RBM6: variants seen among roughly 807,000 people sequenced by gnomAD.
The protein encoded by RBM6 is RNA-binding protein 6.
Under a neutral mutation model 140.4 loss-of-function variants are expected in RBM6, and 23 were observed. The ratio of observed to expected loss-of-function variants is 0.16; its 90% CI spans 0.12 to 0.23. The LOEUF is 0.23. Ranked by LOEUF, RBM6 falls within the 10% of genes least tolerant of loss-of-function variation. The pLI is 1.00. For missense variants in RBM6, 1,139 were observed against 1,386.7 expected, an observed-to-expected ratio of 0.82 and a Z score of 2.84; for synonymous variants, 439 against 475.6, an observed-to-expected ratio of 0.92 and a Z score of 1.00.
intron 6 of RBM6, among the ~76,000 whole-genome samples, chr3:50,037,734 G>GT (rs2088627763): frequency 6.6e-6 from 1 of 151,828 alleles, no homozygotes; most frequent in Admixed American, 6.6e-5. Flanking sequence ...GAGCTCCTGG[G>GT]TTCAAGCAGT....
intron 6 of RBM6, among the ~76,000 whole-genome samples, chr3:50,030,589 A>C (rs1027450881): frequency 2.6e-5 from 4 of 152,174 alleles, no homozygotes; most frequent in African/African-American, 4.8e-5. Flanking sequence ...TGTATTGGTT[A>C]GGATTAGATT....
In RBM6 at chr3:50,069,358, T is replaced by C. The variant is rs1458303807; in HGVS notation, c.3018+594T>C. 2.0e-5 allele frequency among the ~76,000 whole-genome samples: 3 copies of C among 151,606 alleles called. No homozygotes were observed. The East Asian group carries it at 5.8e-4, about 29-fold the overall frequency. Reference sequence around the variant, plus strand: ...CGAAATCCTATCTCTACAAAAAATATAAAAATTAGGTGGACATGGGGTGTG... The same window carrying C: ...CGAAATCCTATCTCTACAAAAAATACAAAAATTAGGTGGACATGGGGTGTG... On this transcript the variant is annotated intron_variant, in intron 18 of 20. Coordinates refer to ENST00000266022, the MANE Select transcript of RBM6 (RefSeq NM_005777.3).
At chr3:50,076,035 C>G (rs1229782802) in intron 20 of RBM6, among the ~76,000 whole-genome samples, 3 of 151,270 alleles carry the variant, frequency 2.0e-5, no homozygotes, top group African/African-American at 7.3e-5. Context: ...GTGGTGCGAT[C>G]TCAGCTCACT....
intron 20 of RBM6, among the ~76,000 whole-genome samples, chr3:50,075,569 CAT>C (rs1288191415): frequency 6.6e-6 from 1 of 152,152 alleles, no homozygotes; most frequent in Non-Finnish European, 1.5e-5. Flanking sequence ...CATACTTTTA[CAT>C]GGAGTAAATA....
chr3:49,963,683 T>G (rs879518623), intron 2 of RBM6, among the ~76,000 whole-genome samples: 47 of 152,152 alleles, frequency 3.1e-4, no homozygotes, highest in Non-Finnish European at 3.8e-4. Context: ...GTATTTTAAA[T>G]TTGTAGGGAA....
intron 6 of RBM6, among the ~76,000 whole-genome samples, chr3:50,013,027 G>A (rs890781387): frequency 8.5e-5 from 13 of 152,114 alleles, no homozygotes; most frequent in African/African-American, 3.1e-4. Flanking sequence ...ACAGGCGTGA[G>A]CCACCGTGCC....
intron 5 of RBM6, among the ~76,000 whole-genome samples, chr3:49,984,184 C>A (rs763611299): frequency 6.6e-6 from 1 of 152,014 alleles, no homozygotes; most frequent in African/African-American, 2.4e-5. Context: ...GTAGTCCCAG[C>A]TACTTAGGAG....
At chr3:50,049,662 A>G (rs1025691569) in intron 7 of RBM6, among the ~76,000 whole-genome samples, 2 of 152,302 alleles carry the variant, frequency 1.3e-5, no homozygotes, top group East Asian at 3.9e-4. Context: ...GTTATTAGCC[A>G]AAGTACTCAT....
At chr3:50,016,426 C>A (rs530529770) in intron 6 of RBM6, among the ~76,000 whole-genome samples, 17 of 151,924 alleles carry the variant, frequency 1.1e-4, no homozygotes, top group African/African-American at 3.9e-4. Context: ...ATCTCTCAGA[C>A]ATAATGATTT....
chr3:50,061,301 T>C (rs1207230836), intron 13 of RBM6, 80 bp downstream of exon 13: 1 of 1,605,400 alleles, frequency 6.2e-7, no homozygotes, highest in Non-Finnish European at 8.5e-7. Context: ...GTGATCACAG[T>C]TGGCAAGATA....
Position 49,967,290 on chromosome 3 carries a change from G to A in RBM6, c.45-180G>A, listed in dbSNP as rs546520162. ...AAATGGGAGCATAAAAGTTTACTCC[G>A]CCACTTCGTCTTAAAATAGCAAAAC... On this transcript the variant is annotated intron_variant, in intron 2 of 20. Transcript: ENST00000266022. This position sits in a 1 kb window ranked among gnomAD's most constrained non-coding sequence, Gnocchi z 4.0. 2.2e-6 allele frequency: 3 copies of A among 1,381,366 alleles called. No individual in the cohort carries two copies. The highest frequency in any genetic ancestry group is 3.0e-5 in the Admixed American group (1 of 33,098). 85.6% of individuals were successfully genotyped at this position (1,381,366 alleles called of 1,614,324 possible). A position where few individuals can be genotyped will look rare whatever the true frequency, so the allele number is the denominator to read the frequency against.
In RBM6 at chr3:49,962,614, C is replaced by T. The variant is rs1208050567; in HGVS notation, c.-28C>T. On this transcript the variant is annotated 5_prime_UTR_variant, in exon 2 of 21. Transcript: ENST00000266022. ...CAGAATTTGGTAGAAAAAGGATTTA[C>T]TTGTTGGGGCCCTCTTGATAAAAAG... 2 of 1,583,736 alleles carry T rather than the reference C, an allele frequency of 1.3e-6. No individual in the cohort carries two copies. The highest frequency in any genetic ancestry group is 1.7e-6 in the Non-Finnish European group (2 of 1,169,266).
intron 5 of RBM6, among the ~76,000 whole-genome samples, chr3:49,997,182 T>A (rs1342645546): frequency 6.6e-6 from 1 of 152,122 alleles, no homozygotes; most frequent in East Asian, 1.9e-4. Context: ...TTTTTAACGT[T>A]TTAGGCAGTA....
chr3:49,977,845 G>T (rs2085125709), intron 5 of RBM6, among the ~76,000 whole-genome samples: 1 of 152,114 alleles, frequency 6.6e-6, no homozygotes, highest in Non-Finnish European at 1.5e-5. Flanking sequence ...AGTCAGGCAT[G>T]GTGTTGCACA....
intron 6 of RBM6, among the ~76,000 whole-genome samples, chr3:50,047,648 CCAAT>C (rs1186901903): frequency 3.3e-5 from 5 of 152,276 alleles, no homozygotes; most frequent in East Asian, 1.9e-4. Flanking sequence ...CTCCCACCAG[CCAAT>C]CAGTTTCCTG....
intron 6 of RBM6, among the ~76,000 whole-genome samples, chr3:50,038,007 A>G (rs2088649056): frequency 6.6e-6 from 1 of 151,744 alleles, no homozygotes; most frequent in Non-Finnish European, 1.5e-5. Flanking sequence ...TTTTTAGTAG[A>G]GATGGGATTT....
intron 6 of RBM6, among the ~76,000 whole-genome samples, chr3:50,043,487 C>CA (rs11434039): frequency 0.56 from 79,150 of 141,110 alleles, 22,374 homozygotes; most frequent in East Asian, 0.85. Flanking sequence ...GACCCTGTCT[C>CA]AAAAAAAAAA....
intron 3 of RBM6, among the ~76,000 whole-genome samples, chr3:49,970,849 G>T (rs1183907671): frequency 6.6e-6 from 1 of 152,044 alleles, no homozygotes; most frequent in African/African-American, 2.4e-5. Context: ...GAAAAATAAG[G>T]CCAGGCACAG....
At chr3:49,945,196 T>TA (rs71631038) in intron 1 of RBM6, among the ~76,000 whole-genome samples, 4 of 146,956 alleles carry the variant, frequency 2.7e-5, no homozygotes, top group African/African-American at 1.0e-4. Context: ...TTTTTTTTTT[T>TA]AGACAGGGTC....
Sources: gnomAD v4.1 joint callset for allele counts (sites outside exome capture counted in the v4.1 genomes callset) on GRCh38, gnomAD v4.1.1 for gene constraint, Gnocchi (gnomAD v3.1) non-coding constraint, MANE v1.5 for transcripts, NCBI Gene and HGNC (gene_info 2026-07-23, HGNC 2026-07-21) for gene names.